ELF1: variants seen among roughly 807,000 people sequenced by gnomAD.
ELF1 encodes E74 like ETS transcription factor 1, also known as ETS-related transcription factor Elf-1.
Under a neutral mutation model 59.9 loss-of-function variants are expected in ELF1, and 24 were observed. That is an observed-to-expected ratio of 0.40 (90% CI 0.29 to 0.56). The LOEUF is 0.56. Among genes scored for constraint, ELF1 ranks in the 20% least tolerant of loss-of-function variants. The pLI, the probability that ELF1 is intolerant of heterozygous loss-of-function variation, is 0.44. For synonymous variants in ELF1, 248 were observed against 266.2 expected (o/e 0.93, Z 0.67); for missense variants, 627 against 742.2 (o/e 0.84, Z 1.80).
chr13:40,933,851 T>C lies in ELF1; in HGVS notation c.1434A>G (p.Thr478=), dbSNP rs759955495. Residue 478 remains threonine, a synonymous_variant, in exon 9 of 9, where the codon ACA becomes ACG. Transcript: ENST00000239882. ...GCAGCATGACATTTTCTTTCAGTAC[T>C]GTCATGGGCTGTGATGATGGAATGG... is the stretch of plus-strand genomic sequence containing the variant. ...LQAIPSSQPM[T]VLKENVMLQS... 2 of 1,614,258 alleles carry C rather than the reference T, an allele frequency of 1.2e-6. No individual in the cohort carries two copies. Among genetic ancestry groups the C allele is most frequent in the Non-Finnish European group, 1.7e-6 (2 of 1,180,044 alleles).
At chr13:40,985,711 C>T (rs750043783) in intron 1 of ELF1, among the ~76,000 whole-genome samples, 2 of 152,040 alleles carry the variant, frequency 1.3e-5, no homozygotes, top group Non-Finnish European at 1.5e-5. Flanking sequence ...TCCTCAAATA[C>T]GGTCTTAGAT....
At chr13:41,004,372 G>C (rs907971782) in intron 1 of ELF1, among the ~76,000 whole-genome samples, 3 of 151,988 alleles carry the variant, frequency 2.0e-5, no homozygotes, top group African/African-American at 7.2e-5. Context: ...GGATATTCTG[G>C]GAAGAATAAG....
chr13:41,046,024 T>C lies in ELF1; in HGVS notation c.-229+14814A>G, dbSNP rs539357539. On this transcript the variant is annotated intron_variant, in intron 1 of 1. Coordinates refer to the ELF1 transcript ENST00000405737. ...TAGCTCTTCTTGTTGAATTGATCCC[T>C]TTACCATTATGTAATGGCCTTCTTT... is the stretch of plus-strand genomic sequence containing the variant. 1.5e-4 allele frequency among the ~76,000 whole-genome samples: 23 copies of C among 152,338 alleles called. No individual in the cohort carries two copies. The East Asian group carries it at 2.1e-3, about 14-fold the overall frequency.
At chr13:40,960,367 G>C (rs1171663784) in intron 2 of ELF1, among the ~76,000 whole-genome samples, 1 of 152,056 alleles carries the variant, frequency 6.6e-6, no homozygotes, top group Non-Finnish European at 1.5e-5. Flanking sequence ...CCTTTAATCT[G>C]AGAAGTTCTT....
At chr13:41,039,629 T>G (rs1255389110) in intron 1 of ELF1, among the ~76,000 whole-genome samples, 1 of 152,220 alleles carries the variant, frequency 6.6e-6, no homozygotes, top group African/African-American at 2.4e-5. Flanking sequence ...TAAAGAGATA[T>G]ATGTATTTAG....
intron 3 of ELF1, among the ~76,000 whole-genome samples, chr13:40,953,148 G>T (rs1228383277): frequency 6.6e-6 from 1 of 151,932 alleles, no homozygotes; most frequent in East Asian, 1.9e-4. Context: ...AGCTAATTCT[G>T]TATTTTCAGT....
At chr13:40,990,811 C>T (rs1873810375) in intron 1 of ELF1, among the ~76,000 whole-genome samples, 1 of 140,510 alleles carries the variant, frequency 7.1e-6, no homozygotes, top group South Asian at 2.2e-4. Flanking sequence ...GAGATCGCAC[C>T]ACTGCACTCC....
Position 40,982,254 on chromosome 13 carries a change from G to A in ELF1, c.-200C>T. The A allele has an allele frequency of 7.9e-7, 1 of 1,268,338 alleles. No individual in the cohort carries two copies. Among genetic ancestry groups the A allele is most frequent in the South Asian group, 2.8e-5 (1 of 35,092 alleles). The allele number at this position is 1,268,338 out of a possible 1,614,324, so 78.6% of individuals were successfully genotyped here. A position where few individuals can be genotyped will look rare whatever the true frequency, so the allele number is the denominator to read the frequency against. On this transcript the variant is annotated 5_prime_UTR_variant, in exon 2 of 9. Coordinates refer to ENST00000239882, the MANE Select transcript of ELF1 (RefSeq NM_172373.4). Reference sequence around the variant, plus strand: ...CTAGTCAAATTGAGACAATTTTTCTGAAATTTTTCTTCTCTCAAGCTTCTT... The same window carrying A: ...CTAGTCAAATTGAGACAATTTTTCTAAAATTTTTCTTCTCTCAAGCTTCTT...
intron 2 of ELF1, among the ~76,000 whole-genome samples, chr13:40,963,041 C>T (rs1229491809): frequency 2.0e-5 from 3 of 152,186 alleles, no homozygotes; most frequent in Admixed American, 6.5e-5. Flanking sequence ...ATGCACGAGA[C>T]ATTTTGCACA....
At chr13:41,017,341 T>G (rs545413503) in intron 1 of ELF1, among the ~76,000 whole-genome samples, 1 of 152,252 alleles carries the variant, frequency 6.6e-6, no homozygotes, top group African/African-American at 2.4e-5. Context: ...GCCCTGCCAT[T>G]AGGTACTGCA....
chr13:40,947,792 G>C (rs1870596543), intron 5 of ELF1, among the ~76,000 whole-genome samples: 1 of 152,220 alleles, frequency 6.6e-6, no homozygotes, highest in African/African-American at 2.4e-5. Flanking sequence ...CACTTTCTGA[G>C]TGAGAAGCAG....
intron 1 of ELF1, among the ~76,000 whole-genome samples, chr13:41,008,210 C>T (rs1415657156): frequency 6.6e-6 from 1 of 152,152 alleles, no homozygotes; most frequent in African/African-American, 2.4e-5. Flanking sequence ...AGCATTTATG[C>T]TATTATTCTT....
chr13:40,940,064 C>T (rs1870032456), intron 8 of ELF1, among the ~76,000 whole-genome samples: 1 of 152,106 alleles, frequency 6.6e-6, no homozygotes, highest in African/African-American at 2.4e-5. Context: ...ATCAACTGAG[C>T]AAAACCTCCA....
chr13:41,037,100 TAATAA>T (rs1017399309), intron 1 of ELF1, among the ~76,000 whole-genome samples: 22 of 151,834 alleles, frequency 1.4e-4, no homozygotes, highest in African/African-American at 5.3e-4. Context: ...ACTTAAAGTA[TAATAA>T]AATATATATA....
chr13:41,007,048 C>G (rs915283806), intron 1 of ELF1, among the ~76,000 whole-genome samples: 5 of 151,902 alleles, frequency 3.3e-5, no homozygotes, highest in Non-Finnish European at 7.4e-5. Context: ...AAATATTAAA[C>G]CTTACTCAAG....
intron 8 of ELF1, among the ~76,000 whole-genome samples, chr13:40,934,918 A>G (rs1869664730): frequency 1.3e-5 from 2 of 152,256 alleles, no homozygotes; most frequent in Non-Finnish European, 2.9e-5. Flanking sequence ...TGTCATATTT[A>G]GATGAAACAA....
chr13:41,005,035 A>G (rs907074276), intron 1 of ELF1, among the ~76,000 whole-genome samples: 3 of 152,186 alleles, frequency 2.0e-5, no homozygotes, highest in African/African-American at 7.2e-5. Context: ...ACTGACAGGA[A>G]GCACAGAGTA....
At chr13:40,965,387 C>T (rs763579935) in intron 2 of ELF1, among the ~76,000 whole-genome samples, 4 of 152,052 alleles carry the variant, frequency 2.6e-5, no homozygotes, top group Non-Finnish European at 4.4e-5. Flanking sequence ...TTTGGGAGGC[C>T]GAAGCGGGTG....
chr13:41,004,363 G>C (rs562240662), intron 1 of ELF1, among the ~76,000 whole-genome samples: 1 of 151,954 alleles, frequency 6.6e-6, no homozygotes, highest in Non-Finnish European at 1.5e-5. Context: ...GGGGGTGGGG[G>C]ATATTCTGGG....
Sources: gnomAD v4.1 joint callset for allele counts (sites outside exome capture counted in the v4.1 genomes callset) on GRCh38, gnomAD v4.1.1 for gene constraint, MANE v1.5 for transcripts, NCBI Gene and HGNC (gene_info 2026-07-23, HGNC 2026-07-21) for gene names.